SPAG16: variants seen among roughly 807,000 people sequenced by gnomAD.
SPAG16 encodes sperm associated antigen 16.
Under a neutral mutation model 80.4 loss-of-function variants are expected in SPAG16, and 86 were observed. The ratio of observed to expected loss-of-function variants is 1.07; its 90% CI spans 0.90 to 1.28. The LOEUF is 1.28. Ranked by LOEUF, SPAG16 falls within the 50% of genes most tolerant of loss-of-function variation. SPAG16 has a pLI of 0.00. For synonymous variants in SPAG16, 294 were observed against 265.9 expected (o/e 1.11, Z -1.03); for missense variants, 870 against 765.3 (o/e 1.14, Z -1.61).
intron 10 of SPAG16, among the ~76,000 whole-genome samples, chr2:213,649,622 G>A (rs146331691): frequency 1.3e-5 from 2 of 152,120 alleles, no homozygotes; most frequent in African/African-American, 4.8e-5. Flanking sequence ...TCATCCAGGC[G>A]GTAGTGCAGT....
Position 214,172,465 on chromosome 2 carries a change from G to GTA in SPAG16, c.1720+23203_1720+23204dup, listed in dbSNP as rs946628303. ...GCTGCACTGCATAGTATTCCATGGT[G>GTA]TATATGTGCCACATTTTCTTAATAC... is the stretch of plus-strand genomic sequence containing the variant. On this transcript the variant is annotated intron_variant, in intron 15 of 15. Coordinates refer to ENST00000331683, the MANE Select transcript of SPAG16 (RefSeq NM_024532.5). Among the ~76,000 whole-genome samples, 25 of 152,256 alleles carry GTA rather than the reference G, an allele frequency of 1.6e-4. No individual in the cohort carries two copies. In the East Asian group the frequency reaches 3.3e-3, roughly 20 times the overall value.
intron 14 of SPAG16, among the ~76,000 whole-genome samples, chr2:214,137,818 G>A (rs952078579): frequency 1.3e-5 from 2 of 150,670 alleles, no homozygotes; most frequent in Admixed American, 1.3e-4. Context: ...GGCAAAAACT[G>A]TTAATTTTAG....
Position 213,863,598 on chromosome 2 carries a change from A to G in SPAG16, c.1214+970A>G, listed in dbSNP as rs1383103769. 5.3e-5 allele frequency among the ~76,000 whole-genome samples: 8 copies of G among 152,148 alleles called. No homozygotes were observed. The East Asian group carries it at 1.5e-3, about 29-fold the overall frequency. On this transcript the variant is annotated intron_variant, in intron 11 of 15. Transcript: ENST00000331683. ...ACCCTACTTTATGAACATGCAGTGT[A>G]TTCCGTATCCAGTATATAAATTAAA... is the stretch of plus-strand genomic sequence containing the variant.
chr2:213,331,313 G>A (rs1268594243), intron 5 of SPAG16, among the ~76,000 whole-genome samples: 1 of 152,178 alleles, frequency 6.6e-6, no homozygotes, highest in African/African-American at 2.4e-5. Context: ...TTGAAGGGAA[G>A]AACCTGATCT....
rs142492085 is a variant in SPAG16 at position 213,592,496 on chromosome 2, T to C, written c.1070+102406T>C. On this transcript the variant is annotated intron_variant, in intron 10 of 15. Transcript: ENST00000331683. Reference sequence around the variant, plus strand: ...TATTGGTTGAAAAGTGCAAGTATTTTTAAAACTAAATATATATGTTTACAA... The same window carrying C: ...TATTGGTTGAAAAGTGCAAGTATTTCTAAAACTAAATATATATGTTTACAA... 5.5e-3 allele frequency among the ~76,000 whole-genome samples: 831 copies of C among 152,358 alleles called. 10 individuals carry two copies. The highest frequency in any genetic ancestry group is 7.5e-3 in the Non-Finnish European group (509 of 68,034).
chr2:214,329,700 T>G (rs1696758649), intron 15 of SPAG16, among the ~76,000 whole-genome samples: 1 of 152,200 alleles, frequency 6.6e-6, no homozygotes, highest in South Asian at 2.1e-4. Flanking sequence ...ATTTTTGTCT[T>G]TTTTAAGTTA....
At chr2:213,939,771 G>C (rs1044224303) in intron 12 of SPAG16, among the ~76,000 whole-genome samples, 1 of 152,048 alleles carries the variant, frequency 6.6e-6, no homozygotes, top group Admixed American at 6.6e-5. Context: ...TTTTAGAAAA[G>C]TATACATTAG....
chr2:213,729,932 G>A (rs908301805), intron 10 of SPAG16, among the ~76,000 whole-genome samples: 11 of 152,200 alleles, frequency 7.2e-5, no homozygotes, highest in Admixed American at 6.5e-4. Context: ...ACTGGACTGA[G>A]AGGATGCTCC....
At chr2:214,012,596 A>C (rs1014167038) in intron 12 of SPAG16, among the ~76,000 whole-genome samples, 1 of 151,946 alleles carries the variant, frequency 6.6e-6, no homozygotes, top group African/African-American at 2.4e-5. Context: ...TGCCTGGGCC[A>C]ACTGACTGAT....
chr2:213,564,494 T>TA (rs77022819), intron 10 of SPAG16, among the ~76,000 whole-genome samples: 3,601 of 121,318 alleles, frequency 0.03, 116 homozygotes, highest in African/African-American at 0.08. Context: ...GACTCTGTCT[T>TA]AAAAAAAAAA....
chr2:213,469,013 A>C (rs1009064309), intron 9 of SPAG16, among the ~76,000 whole-genome samples: 1 of 152,098 alleles, frequency 6.6e-6, no homozygotes, highest in Non-Finnish European at 1.5e-5. Flanking sequence ...GCCCACCCAG[A>C]TCAAGGGTGG....
chr2:213,913,391 G>A (rs2077769557), intron 11 of SPAG16, among the ~76,000 whole-genome samples: 1 of 151,994 alleles, frequency 6.6e-6, no homozygotes. Context: ...ATGTGTAAAC[G>A]TTTCTCTAGG....
At chr2:213,559,721 G>A (rs1311738342) in intron 10 of SPAG16, among the ~76,000 whole-genome samples, 2 of 151,992 alleles carry the variant, frequency 1.3e-5, no homozygotes, top group East Asian at 1.9e-4. Context: ...ATTTCCCAGT[G>A]GGGTAATAGT....
chr2:213,847,796 T>G (rs2556316), intron 10 of SPAG16, among the ~76,000 whole-genome samples: 137,342 of 152,078 alleles, frequency 0.9, 63,691 homozygotes, highest in East Asian at 1. Flanking sequence ...GACCTCTCCT[T>G]GTTACTCTTG....
rs1255881297 is a variant in SPAG16, at chr2:214,011,292, TAGC to T, written c.1401-2656_1401-2654del. The stretch of plus-strand genomic sequence containing the variant: ...CTTACATTTTTAGATTCATTAAAAA[TAGC>T]AGGTAAAATTTGTACATAAAACAGT... On this transcript the variant is annotated intron_variant, in intron 12 of 15. Coordinates refer to ENST00000331683, the MANE Select transcript of SPAG16 (RefSeq NM_024532.5). Among the ~76,000 whole-genome samples the T allele has an allele frequency of 9.6e-5, 14 of 146,340 alleles. 1 individual carries two copies. The highest frequency in any genetic ancestry group is 8.6e-4 in the South Asian group (4 of 4,632).
intron 11 of SPAG16, among the ~76,000 whole-genome samples, chr2:213,869,265 A>ATATATATATATATATGTATATATATATG (rs2075844737): frequency 1.2e-3 from 29 of 24,836 alleles, no homozygotes; most frequent in Admixed American, 1.7e-3. Flanking sequence ...AAAAAAAAAA[A>ATATATATATATATATGTATATATATATG]TATATATATA....
At chr2:213,802,408 T>TCTAC (rs1481684829) in intron 10 of SPAG16, among the ~76,000 whole-genome samples, 1 of 90,410 alleles carries the variant, frequency 1.1e-5, no homozygotes, top group African/African-American at 3.1e-5. Context: ...TATCTATCTA[T>TCTAC]CTATCTATCT....
At chr2:213,570,949 A>G (rs2059897578) in intron 10 of SPAG16, among the ~76,000 whole-genome samples, 1 of 29,088 alleles carries the variant, frequency 3.4e-5, no homozygotes, top group Non-Finnish European at 5.3e-5. Flanking sequence ...TATTTAGGAT[A>G]GTTAGCTCCT....
At chr2:213,736,150 T>G (rs1055445591) in intron 10 of SPAG16, among the ~76,000 whole-genome samples, 2 of 152,204 alleles carry the variant, frequency 1.3e-5, no homozygotes. Flanking sequence ...AAAGGCACTG[T>G]CATTCTGTTT....
Sources: gnomAD v4.1 joint callset for allele counts (sites outside exome capture counted in the v4.1 genomes callset) on GRCh38, gnomAD v4.1.1 for gene constraint, MANE v1.5 for transcripts, NCBI Gene and HGNC (gene_info 2026-07-23, HGNC 2026-07-21) for gene names.